Variants in DCLK1 observed in about 807,000 individuals in gnomAD.
The protein encoded by DCLK1 is serine/threonine-protein kinase DCLK1.
DCLK1 carries 16 observed loss-of-function variants against 86.2 expected under a neutral mutation model. The observed-to-expected ratio is 0.19, with a 90% CI of 0.13 to 0.28. The LOEUF is 0.28. Ranked by LOEUF, DCLK1 falls within the 10% of genes least tolerant of loss-of-function variation. The probability of loss-of-function intolerance (pLI) is 1.00; values close to 1 mark genes in which losing one functional copy is unlikely to be tolerated. For synonymous variants in DCLK1, 369 were observed against 370.5 expected (o/e 1.00, Z 0.05); for missense variants, 590 against 940.2 (o/e 0.63, Z 4.87).
chr13:35,856,708 T>A (rs913211249), intron 5 of DCLK1, among the ~76,000 whole-genome samples: 2 of 152,232 alleles, frequency 1.3e-5, no homozygotes, highest in African/African-American at 4.8e-5. Context: ...TTTTAAGGCA[T>A]TTTTTGAAAG....
chr13:35,896,847 G>A (rs1180266986), intron 4 of DCLK1, among the ~76,000 whole-genome samples: 1 of 152,108 alleles, frequency 6.6e-6, no homozygotes, highest in Admixed American at 6.5e-5. Context: ...GTGTGTGGAG[G>A]GGGCTCTAGA....
chr13:35,934,488 A>G (rs1876642734), intron 4 of DCLK1, among the ~76,000 whole-genome samples: 2 of 152,356 alleles, frequency 1.3e-5, no homozygotes, highest in South Asian at 2.1e-4. Flanking sequence ...AATGTCTTAC[A>G]TGGAAGGCAG....
At position 35,802,348 on chromosome 13, in the gene DCLK1, A is replaced by G. The variant is rs573124434; in HGVS notation, c.1944+3351T>C. 1.4e-4 allele frequency among the ~76,000 whole-genome samples: 21 copies of G among 151,422 alleles called. No individual in the cohort carries two copies. In the South Asian group the frequency reaches 4.4e-3, roughly 32 times the overall value. ...CCCTGTCTCAAAAAAAAAAAAAAAA[A>G]GTAAAATGATTATTTGTCACCTATG... On this transcript the variant is annotated intron_variant, in intron 15 of 16. Transcript: ENST00000360631.
chr13:35,867,949 G>GAAA (rs1467051832), intron 5 of DCLK1, among the ~76,000 whole-genome samples: 9 of 140,650 alleles, frequency 6.4e-5, no homozygotes, highest in African/African-American at 2.4e-4. Context: ...AAGAAAGAAA[G>GAAA]AAAGAAAGAA....
intron 5 of DCLK1, among the ~76,000 whole-genome samples, chr13:35,865,904 G>C (rs902073878): frequency 2.6e-5 from 4 of 152,166 alleles, no homozygotes; most frequent in Non-Finnish European, 5.9e-5. Context: ...CTGGTGCCAA[G>C]GGACTAATAC....
chr13:35,928,356 C>T (rs1442027144), intron 4 of DCLK1, among the ~76,000 whole-genome samples: 1 of 152,184 alleles, frequency 6.6e-6, no homozygotes, highest in Non-Finnish European at 1.5e-5. Flanking sequence ...CACCCTCTCA[C>T]CTCAGGCCCT....
intron 2 of DCLK1, among the ~76,000 whole-genome samples, chr13:36,113,481 G>C (rs1885681292): frequency 6.6e-6 from 1 of 152,096 alleles, no homozygotes; most frequent in South Asian, 2.1e-4. Flanking sequence ...CAGGATTTAA[G>C]TAAATATCAA....
rs532112697 is a variant in DCLK1, at chr13:35,918,890, G to GTTTTTTTTTTTTTTT, written c.823+28467_823+28468insAAAAAAAAAAAAAAA. ...CCAAAAAGAAATCTTCCTTCTGAGT[G>GTTTTTTTTTTTTTTT]TGTTTTTTTTTTTTTTTTTGGAAAC... On this transcript the variant is annotated intron_variant, in intron 4 of 16. Coordinates refer to ENST00000360631, the MANE Select transcript of DCLK1 (RefSeq NM_001330071.2). 1.8e-3 allele frequency among the ~76,000 whole-genome samples: 26 copies of GTTTTTTTTTTTTTTT among 14,196 alleles called. No homozygotes were observed. The South Asian group carries it at 0.022, about 12-fold the overall frequency. 9.3% of individuals were successfully genotyped at this position (14,196 alleles called of 152,430 possible). A position where few individuals can be genotyped will look rare whatever the true frequency, so the allele number is the denominator to read the frequency against.
chr13:36,059,505 C>G (rs1187502958), intron 3 of DCLK1, among the ~76,000 whole-genome samples: 1 of 152,156 alleles, frequency 6.6e-6, no homozygotes, highest in Non-Finnish European at 1.5e-5. Flanking sequence ...ACTATTTTCT[C>G]CACTAAACCC....
intron 4 of DCLK1, among the ~76,000 whole-genome samples, 175 bp from the exon 5 acceptor site, chr13:35,871,515 A>G (rs914242177): frequency 3.3e-5 from 5 of 152,290 alleles, no homozygotes; most frequent in Non-Finnish European, 7.3e-5. Context: ...GAGGAAGGAC[A>G]GGGTGGGCTT....
intron 4 of DCLK1, among the ~76,000 whole-genome samples, chr13:35,874,302 G>A (rs966402701): frequency 1.3e-5 from 2 of 152,002 alleles, no homozygotes; most frequent in African/African-American, 4.8e-5. Flanking sequence ...AAATTGTTTA[G>A]TAAGAAAAGA....
intron 15 of DCLK1, among the ~76,000 whole-genome samples, chr13:35,799,662 G>A (rs1333509434): frequency 6.6e-6 from 1 of 152,070 alleles, no homozygotes; most frequent in Admixed American, 6.6e-5. Flanking sequence ...TAAGGTAGAT[G>A]AGCATTTTGA....
At chr13:35,970,663 T>C (rs1455041568) in intron 3 of DCLK1, among the ~76,000 whole-genome samples, 1 of 152,170 alleles carries the variant, frequency 6.6e-6, no homozygotes, top group African/African-American at 2.4e-5. Context: ...GAGTGGAAAC[T>C]GGACCCTTAC....
chr13:36,000,285 A>T (rs1472128366), intron 3 of DCLK1, among the ~76,000 whole-genome samples: 1 of 152,116 alleles, frequency 6.6e-6, no homozygotes, highest in Non-Finnish European at 1.5e-5. Context: ...AGTTCCTATC[A>T]TAACTTAAGG....
At position 35,965,923 on chromosome 13, in the gene DCLK1, G is replaced by T. The variant is rs138848363; in HGVS notation, c.724-18466C>A. 3.9e-5 allele frequency among the ~76,000 whole-genome samples: 6 copies of T among 152,330 alleles called. No homozygotes were observed. The East Asian group carries it at 1.2e-3, about 29-fold the overall frequency. On this transcript the variant is annotated intron_variant, in intron 3 of 16. Coordinates refer to ENST00000360631, the MANE Select transcript of DCLK1 (RefSeq NM_001330071.2). ...ATTCCAAAGAGAGGAGGGCCACAGG[G>T]AGAGTTCCTAGACATTTGAAACAAG...
At chr13:36,055,921 T>C (rs1883288716) in intron 3 of DCLK1, among the ~76,000 whole-genome samples, 1 of 152,210 alleles carries the variant, frequency 6.6e-6, no homozygotes, top group African/African-American at 2.4e-5. Context: ...CTAACTGGTG[T>C]GAGATGATAT....
intron 3 of DCLK1, among the ~76,000 whole-genome samples, chr13:36,096,294 G>T (rs779214748): frequency 6.6e-6 from 1 of 152,172 alleles, no homozygotes; most frequent in Non-Finnish European, 1.5e-5. Context: ...TCACAGGGGA[G>T]ACCGGTCCTT....
At chr13:36,000,940 T>C (rs1475048276) in intron 3 of DCLK1, among the ~76,000 whole-genome samples, 3 of 147,450 alleles carry the variant, frequency 2.0e-5, no homozygotes, top group Non-Finnish European at 4.5e-5. Flanking sequence ...AAAAGTTGTA[T>C]GCATAACTGA....
chr13:35,776,957 T>A (rs2086434293), intron 16 of DCLK1, among the ~76,000 whole-genome samples: 1 of 152,316 alleles, frequency 6.6e-6, no homozygotes, highest in African/African-American at 2.4e-5. Context: ...GCTTGGATGG[T>A]CCCCTCACGC....
Sources: allele counts gnomAD v4.1 joint callset (sites outside exome capture counted in the v4.1 genomes callset), GRCh38; gene constraint gnomAD v4.1.1; transcripts MANE v1.5; gene names NCBI Gene and HGNC (gene_info 2026-07-23, HGNC 2026-07-21).